Variants in MYO1D observed in about 807,000 individuals in gnomAD.
MYO1D encodes the protein myosin ID.
MYO1D carries 83 observed loss-of-function variants against 122.0 expected under a neutral mutation model. That is an observed-to-expected ratio of 0.68 (90% CI 0.57 to 0.82). The LOEUF (loss-of-function observed/expected upper bound fraction) is 0.82, where lower values mean the gene tolerates loss of function less well. Among genes scored for constraint, MYO1D ranks in the 40% least tolerant of loss-of-function variants. The pLI is 0.00. For synonymous variants in MYO1D, 464 were observed against 446.9 expected (o/e 1.04, Z -0.48); for missense variants, 1,157 against 1,269.5 (o/e 0.91, Z 1.35).
At chr17:32,563,751 C>T (rs936820947) in intron 21 of MYO1D, among the ~76,000 whole-genome samples, 1 of 152,224 alleles carries the variant, frequency 6.6e-6, no homozygotes, top group African/African-American at 2.4e-5. Context: ...AGGAGCTGAA[C>T]AGTCGCGTGG....
chr17:32,684,809 T>C (rs2088982352), intron 16 of MYO1D, among the ~76,000 whole-genome samples: 1 of 152,202 alleles, frequency 6.6e-6, no homozygotes, highest in Non-Finnish European at 1.5e-5. Context: ...CTGCTGCCAA[T>C]TTGCCAATGA....
chr17:32,605,147 T>C lies in MYO1D; in HGVS notation c.2804A>G (p.Gln935Arg). The C allele has an allele frequency of 1.2e-6, 2 of 1,610,856 alleles. No homozygotes were observed. Among genetic ancestry groups the C allele is most frequent in the Non-Finnish European group, 1.7e-6 (2 of 1,177,522 alleles). The change falls in exon 21 of 22, where the codon CAG becomes CGG. Residue 935 changes from glutamine (Q) to arginine (R), a missense_variant. Physicochemically the swap from Gln to Arg is conservative, Grantham distance 43. Transcript: ENST00000318217. Reference sequence around the variant, plus strand: ...TCCAATTCGACTCTCATGGGTTGGCTGTTTGCTGAAGAGGCAGACAATGAG... The same window carrying C: ...TCCAATTCGACTCTCATGGGTTGGCCGTTTGCTGAAGAGGCAGACAATGAG... The part of the protein sequence containing the change: ...KDLIVCLFSK[Q>R]PTHESRIGEL...
intron 20 of MYO1D, among the ~76,000 whole-genome samples, chr17:32,634,567 G>C (rs189190971): frequency 6.6e-6 from 1 of 152,154 alleles, no homozygotes; most frequent in Non-Finnish European, 1.5e-5. Flanking sequence ...AACAAATATT[G>C]GTCCCATAGT....
intron 19 of MYO1D, among the ~76,000 whole-genome samples, chr17:32,641,204 C>T (rs537839504): frequency 8.0e-4 from 121 of 150,354 alleles, no homozygotes; most frequent in African/African-American, 2.7e-3. Context: ...TTTGTCCTTG[C>T]GATAGTTTGC....
At chr17:32,608,950 G>C (rs889241945) in intron 20 of MYO1D, among the ~76,000 whole-genome samples, 5 of 152,180 alleles carry the variant, frequency 3.3e-5, no homozygotes, top group African/African-American at 4.8e-5. Flanking sequence ...ATATTCTCTA[G>C]AAGATAAAAG....
rs533875304 is a variant in MYO1D at position 32,647,640 on chromosome 17, T to C, written c.2595+6203A>G. On this transcript the variant is annotated intron_variant, in intron 19 of 21. Coordinates refer to ENST00000318217, the MANE Select transcript of MYO1D (RefSeq NM_015194.3). ...TAGTGAATATGAGGACTCACTGACA[T>C]GGTACATTCCTTTGTTATATTTACA... Among the ~76,000 whole-genome samples the C allele has an allele frequency of 7.9e-5, 12 of 152,116 alleles. No individual in the cohort carries two copies. The South Asian group carries it at 1.7e-3, about 21-fold the overall frequency.
intron 21 of MYO1D, among the ~76,000 whole-genome samples, chr17:32,516,539 C>G (rs1909896792): frequency 6.6e-6 from 1 of 152,176 alleles, no homozygotes; most frequent in African/African-American, 2.4e-5. Context: ...TCTGGAATCA[C>G]CAATTGGATT....
chr17:32,613,669 G>C (rs555917174), intron 20 of MYO1D, among the ~76,000 whole-genome samples: 149 of 151,732 alleles, frequency 9.8e-4, no homozygotes, highest in African/African-American at 3.4e-3. Context: ...AGCTACTCGG[G>C]GGGCTGAGGC....
At chr17:32,867,777 C>T (rs4077479) in intron 1 of MYO1D, among the ~76,000 whole-genome samples, 11,942 of 118,540 alleles carry the variant, frequency 0.1, 1,069 homozygotes, top group African/African-American at 0.25. Flanking sequence ...CCAGCCTGGG[C>T]GACAGAGCAA....
intron 21 of MYO1D, among the ~76,000 whole-genome samples, chr17:32,585,365 G>A (rs2087377131): frequency 6.6e-6 from 1 of 152,086 alleles, no homozygotes; most frequent in African/African-American, 2.4e-5. Context: ...AGCGATTGTT[G>A]CATGGGGATT....
chr17:32,861,891 G>A (rs1365433538), intron 1 of MYO1D, among the ~76,000 whole-genome samples: 1 of 152,082 alleles, frequency 6.6e-6, no homozygotes, highest in African/African-American at 2.4e-5. Flanking sequence ...AGTGGTACAC[G>A]CCTGTAGTCC....
intron 11 of MYO1D, among the ~76,000 whole-genome samples, chr17:32,750,602 C>T (rs549476458): frequency 6.6e-6 from 1 of 152,054 alleles, no homozygotes; most frequent in African/African-American, 2.4e-5. Context: ...GCGACAAGAG[C>T]AAGACTCTGT....
Position 32,645,030 on chromosome 17 carries a change from T to C in MYO1D, c.2596-6195A>G, listed in dbSNP as rs147656036. 2.2e-3 allele frequency among the ~76,000 whole-genome samples: 342 copies of C among 152,348 alleles called. 1 individual carries two copies. Among genetic ancestry groups the C allele is most frequent in the Middle Eastern group, 6.8e-3 (2 of 294 alleles). ...CATCGATGGCTTTTACAATTTGGCA[T>C]GTTTTTGCAGTGGCTGGTACCAGTT... On this transcript the variant is annotated intron_variant, in intron 19 of 21. Transcript: ENST00000318217.
At chr17:32,632,185 T>C (rs1221480319) in intron 20 of MYO1D, among the ~76,000 whole-genome samples, 1 of 152,156 alleles carries the variant, frequency 6.6e-6, no homozygotes, top group Non-Finnish European at 1.5e-5. Flanking sequence ...TTTTTAAAGT[T>C]TGGCATGGAG....
At chr17:32,627,581 C>A (rs1227202874) in intron 20 of MYO1D, among the ~76,000 whole-genome samples, 1 of 152,096 alleles carries the variant, frequency 6.6e-6, no homozygotes, top group East Asian at 1.9e-4. Context: ...CACATCGGTT[C>A]AGATAATTGT....
chr17:32,708,488 G>A (rs1468969820), intron 16 of MYO1D, among the ~76,000 whole-genome samples: 1 of 152,020 alleles, frequency 6.6e-6, no homozygotes, highest in Non-Finnish European at 1.5e-5. Context: ...GGAGATTCTT[G>A]TTTAAAATAA....
intron 20 of MYO1D, among the ~76,000 whole-genome samples, chr17:32,637,699 G>A (rs145678794): frequency 1.1e-3 from 170 of 152,058 alleles, no homozygotes; most frequent in African/African-American, 4.1e-3. Context: ...AAAAAAGAGT[G>A]TCATATCATT....
At chr17:32,666,458 A>G (rs1207706432) in intron 16 of MYO1D, among the ~76,000 whole-genome samples, 2 of 152,216 alleles carry the variant, frequency 1.3e-5, no homozygotes, top group African/African-American at 4.8e-5. Flanking sequence ...GAGTGGATAT[A>G]AACACAACTG....
chr17:32,604,431 CA>C (rs2087601649), intron 21 of MYO1D, among the ~76,000 whole-genome samples: 1 of 152,154 alleles, frequency 6.6e-6, no homozygotes, highest in Non-Finnish European at 1.5e-5. Context: ...AAGAGAAATC[CA>C]ATCTCTGAAA....
Sources: gnomAD v4.1 joint callset for allele counts (sites outside exome capture counted in the v4.1 genomes callset) on GRCh38, gnomAD v4.1.1 for gene constraint, MANE v1.5 for transcripts, NCBI Gene and HGNC (gene_info 2026-07-23, HGNC 2026-07-21) for gene names.